The following UGT1A4 variants were observed in gnomAD, a reference collection of about 807,000 sequenced individuals.
UGT1A4 encodes UDP glucuronosyltransferase family 1 member A4.
A neutral mutation model predicts 41.1 loss-of-function variants in UGT1A4; 32 were observed. The observed-to-expected ratio is 0.78, with a 90% CI of 0.59 to 1.05. UGT1A4 has a LOEUF of 1.05. Among genes scored for constraint, UGT1A4 ranks in the 50% least tolerant of loss-of-function variants. The probability of loss-of-function intolerance (pLI) is 0.00; values close to 1 mark genes in which losing one functional copy is unlikely to be tolerated. For synonymous variants in UGT1A4, 283 were observed against 265.1 expected (o/e 1.07, Z -0.66); for missense variants, 748 against 677.4 (o/e 1.10, Z -1.16).
At chr2:233,738,690 T>C (rs1178120168) in intron 1 of UGT1A4, among the ~76,000 whole-genome samples, 2 of 152,174 alleles carry the variant, frequency 1.3e-5, no homozygotes, top group African/African-American at 2.4e-5. Flanking sequence ...TTGGAACTTA[T>C]GTTTAAAAGG....
intron 1 of UGT1A4, among the ~76,000 whole-genome samples, chr2:233,766,269 TCGGTGGCCC>T (rs2126023765): frequency 2.9e-5 from 2 of 67,956 alleles, no homozygotes; most frequent in East Asian, 5.0e-4. Flanking sequence ...TGGCCCGGGC[TCGGTGGCCC>T]GGGCTCGGTG....
At position 233,725,224 on chromosome 2, in the gene UGT1A4, CAGAGGCAGA is replaced by C. The variant is rs1559370411; in HGVS notation, c.867+5538_867+5546del. On this transcript the variant is annotated intron_variant, in intron 1 of 4. Transcript: ENST00000373409. ...GAGGCAGAGGCAGAGGCAGAGGAGG[CAGAGGCAGA>C]GGAGGCAGAGGCAGAGGAGGCAGAG... Among the ~76,000 whole-genome samples the C allele has an allele frequency of 9.6e-4, 83 of 86,752 alleles. 33 individuals carry two copies. The highest frequency in any genetic ancestry group is 6.1e-3 in the African/African-American group (72 of 11,874). The allele number at this position is 86,752 out of a possible 152,430, so 56.9% of individuals were successfully genotyped here. A position where few individuals can be genotyped will look rare whatever the true frequency, so the allele number is the denominator to read the frequency against.
Position 233,719,667 on chromosome 2 carries a change from A to G in UGT1A4, c.847A>G (p.Asn283Asp). 6.2e-7 allele frequency: 1 copy of G among 1,614,118 alleles called. No individual in the cohort carries two copies. Among genetic ancestry groups the G allele is most frequent in the South Asian group, 1.1e-5 (1 of 91,076 alleles). ...MVFIGGINCANGKPLSQEFEA... is the reference protein window; with the variant it reads ...MVFIGGINCADGKPLSQEFEA... ...CTTCATTGGGGGCATCAACTGTGCCAACGGGAAGCCACTATCTCAGGTCTG... is the reference window on the plus strand; with the variant it reads ...CTTCATTGGGGGCATCAACTGTGCCGACGGGAAGCCACTATCTCAGGTCTG... The change falls in exon 1 of 5, where the codon AAC becomes GAC. Residue 283 changes from asparagine to aspartate, a missense_variant. Physicochemically the swap from Asn to Asp is conservative, Grantham distance 23. Coordinates refer to ENST00000373409, the MANE Select transcript of UGT1A4 (RefSeq NM_007120.3).
intron 1 of UGT1A4, among the ~76,000 whole-genome samples, chr2:233,725,490 G>T (rs542689319): frequency 1.3e-5 from 2 of 151,958 alleles, no homozygotes; most frequent in Non-Finnish European, 2.9e-5. Context: ...CCAGCAAAAA[G>T]AAACCACTGA....
At chr2:233,731,439 C>T (rs1335351159) in intron 1 of UGT1A4, among the ~76,000 whole-genome samples, 1 of 152,054 alleles carries the variant, frequency 6.6e-6, no homozygotes, top group Non-Finnish European at 1.5e-5. Context: ...TCCCCCAGTC[C>T]CCCACCCCAC....
chr2:233,767,714 TCA>T (rs1424650372), intron 2 of UGT1A4, 133 bp from the exon 3 acceptor site: 27 of 1,536,346 alleles, frequency 1.8e-5, no homozygotes, highest in Non-Finnish European at 2.3e-5. Flanking sequence ...TCAGAAGCCT[TCA>T]CAGTTACTGA....
At chr2:233,763,667 A>G (rs1461035011) in intron 1 of UGT1A4, among the ~76,000 whole-genome samples, 2 of 152,194 alleles carry the variant, frequency 1.3e-5, no homozygotes, top group African/African-American at 4.8e-5. Context: ...AAAACTCCTG[A>G]ACTTTAAGAA....
intron 1 of UGT1A4, among the ~76,000 whole-genome samples, 192 bp downstream of exon 1, chr2:233,719,879 C>A (rs573880021): frequency 1.3e-5 from 2 of 152,076 alleles, no homozygotes; most frequent in Non-Finnish European, 2.9e-5. Flanking sequence ...AGAAGAGGCA[C>A]GGATGAGGGT....
At chr2:233,724,380 G>A (rs868115518) in intron 1 of UGT1A4, among the ~76,000 whole-genome samples, 4,371 of 138,732 alleles carry the variant, frequency 0.032, 38 homozygotes, top group African/African-American at 0.047. Flanking sequence ...GCTGCCGGGC[G>A]GAGACGCTCC....
At chr2:233,744,071 C>T (rs17864701) in intron 1 of UGT1A4, 146,390 of 490,018 alleles carry the variant, frequency 0.3, 23,171 homozygotes, top group South Asian at 0.39. Context: ...CTATGAGCGC[C>T]TCGCATCCCA....
At chr2:233,731,204 C>G (rs755932690) in intron 1 of UGT1A4, among the ~76,000 whole-genome samples, 2 of 151,184 alleles carry the variant, frequency 1.3e-5, no homozygotes, top group Non-Finnish European at 2.9e-5. Context: ...TTATAAAATA[C>G]GTGTTTATTT....
Position 233,719,204 on chromosome 2 carries a change from T to G in UGT1A4, c.384T>G (p.Cys128Trp). Reference sequence around the variant, plus strand: ...TATCTTTGGCCCTTCATAGGTGTTGTGTGGAGCTACTGCATAATGAGGCCC... The same window carrying G: ...TATCTTTGGCCCTTCATAGGTGTTGGGTGGAGCTACTGCATAATGAGGCCC... ...NNVSLALHRC[C>W]VELLHNEALI... The change falls in exon 1 of 5, where the codon TGT (cysteine) becomes TGG (tryptophan). Residue 128 changes from cysteine (C) to tryptophan (W), a missense_variant. Transcript: ENST00000373409. 6.2e-7 allele frequency: 1 copy of G among 1,614,240 alleles called. No individual in the cohort carries two copies. Among genetic ancestry groups the G allele is most frequent in the Non-Finnish European group, 8.5e-7 (1 of 1,180,038 alleles).
Position 233,768,428 on chromosome 2 carries a change from C to T in UGT1A4, c.1296C>T (p.Ile432=), listed in dbSNP as rs1559415864. The T allele has an allele frequency of 6.2e-7, 1 of 1,613,856 alleles. No homozygotes were observed. Among genetic ancestry groups the T allele is most frequent in the Non-Finnish European group, 8.5e-7 (1 of 1,179,916 alleles). ...TAGAAAATGCTCTAAAAGCAGTCATCAATGACAAAAGGTAAGAAAGAAGAT... is the reference window on the plus strand; with the variant it reads ...TAGAAAATGCTCTAAAAGCAGTCATTAATGACAAAAGGTAAGAAAGAAGAT... ...EDLENALKAV[I]NDKSYKENIM... is the part of the protein sequence containing the mutation. The change falls in exon 4 of 5, where the codon ATC becomes ATT. Residue 432 remains isoleucine, a synonymous_variant. Coordinates refer to ENST00000373409, the MANE Select transcript of UGT1A4 (RefSeq NM_007120.3).
rs1443134850 is a variant in UGT1A4, at chr2:233,719,013, G to A, written c.193G>A (p.Val65Met). 5 of 1,614,222 alleles carry A rather than the reference G, an allele frequency of 3.1e-6. No homozygotes were observed. The African/African-American group carries it at 5.3e-5, about 17-fold the overall frequency. Residue 65 changes from valine to methionine, a missense_variant, in exon 1 of 5, where the codon GTG becomes ATG. Transcript: ENST00000373409. ...CCAGGCGGTGGTCCTCACCCCAGAG[G>A]TGAATATGCACATCAAAGAAGAGAA... is the stretch of plus-strand genomic sequence containing the variant. The part of the protein sequence containing the change: ...GHQAVVLTPE[V>M]NMHIKEEKFF...
chr2:233,724,484 G>GAT (rs2077266609), intron 1 of UGT1A4, among the ~76,000 whole-genome samples: 7 of 76,988 alleles, frequency 9.1e-5, no homozygotes, highest in Admixed American at 2.6e-4. Flanking sequence ...CTTCTCAGAC[G>GAT]GGGCGGCCGG....
chr2:233,729,418 C>CG, intron 1 of UGT1A4: 1 of 1,613,756 alleles, frequency 6.2e-7, no homozygotes, highest in South Asian at 1.1e-5. Flanking sequence ...GGGCCACACT[C>CG]AACTGTACTT....
At chr2:233,736,010 G>A (rs1165111643) in intron 1 of UGT1A4, among the ~76,000 whole-genome samples, 2 of 152,178 alleles carry the variant, frequency 1.3e-5, no homozygotes, top group East Asian at 1.9e-4. Flanking sequence ...TTCTCGAGGA[G>A]TATCTTTGTG....
intron 1 of UGT1A4, chr2:233,743,352 C>T (rs987483436): frequency 9.4e-6 from 9 of 961,748 alleles, no homozygotes; most frequent in African/African-American, 1.7e-5. Context: ...TCGACATGGA[C>T]TTGAAGCTGC....
In UGT1A4 at chr2:233,772,247, T is replaced by C. The variant is rs192933567; in HGVS notation, c.1308-15T>C. The C allele has an allele frequency of 3.1e-6, 5 of 1,614,090 alleles. No individual in the cohort carries two copies. In the African/African-American group the frequency reaches 5.3e-5, roughly 17 times the overall value. On this transcript the variant is annotated splice_polypyrimidine_tract_variant and intron_variant, in intron 4 of 4. Transcript: ENST00000373409. ...ACAGGTGTTCCAGGCATAACGAAAC[T>C]GTCTTTGTGTTTAGTTACAAGGAGA...
Sources: gnomAD v4.1 joint callset for allele counts (sites outside exome capture counted in the v4.1 genomes callset) on GRCh38, gnomAD v4.1.1 for gene constraint, MANE v1.5 for transcripts, NCBI Gene and HGNC (gene_info 2026-07-23, HGNC 2026-07-21) for gene names.